Variants in NPC1 observed in about 807,000 individuals in gnomAD.
NPC1 encodes the protein Niemann-Pick C1 protein.
Under a neutral mutation model 140.4 loss-of-function variants are expected in NPC1, and 85 were observed. That is an observed-to-expected ratio of 0.61 (90% CI 0.51 to 0.72). The LOEUF (loss-of-function observed/expected upper bound fraction) is 0.72. Ranked by LOEUF, NPC1 falls within the 30% of genes least tolerant of loss-of-function variation. The probability of loss-of-function intolerance (pLI) is 0.00; values close to 1 mark genes in which losing one functional copy is unlikely to be tolerated. For missense variants in NPC1, 1,504 were observed against 1,623.8 expected, an observed-to-expected ratio of 0.93 and a Z score of 1.27; for synonymous variants, 656 against 624.8, an observed-to-expected ratio of 1.05 and a Z score of -0.74.
downstream of NPC1, among the ~76,000 whole-genome samples, chr18:23,519,630 GA>G (rs1166874887): frequency 6.6e-6 from 1 of 152,140 alleles, no homozygotes; most frequent in Non-Finnish European, 1.5e-5. Context: ...AAGTAGTTTA[GA>G]AAAAAGTGAT....
chr18:23,519,185 T>C, downstream of NPC1: 2 of 1,608,248 alleles, frequency 1.2e-6, no homozygotes. Flanking sequence ...GTACAAGCTG[T>C]CTGCGTTTCT....
intron 18 of NPC1, 27 bp downstream of exon 18, chr18:23,539,784 T>C (rs1053188476): frequency 3.1e-6 from 5 of 1,611,258 alleles, no homozygotes; most frequent in Non-Finnish European, 4.2e-6. Context: ...CCGCTGCTTC[T>C]GAAGTACAAG....
intron 1 of NPC1, among the ~76,000 whole-genome samples, chr18:23,579,029 G>C (rs933388028): frequency 1.4e-4 from 21 of 152,106 alleles, no homozygotes; most frequent in African/African-American, 5.1e-4. Flanking sequence ...CACTGCCTGT[G>C]CGACAAGCTT....
At chr18:23,534,829 C>T (rs1193027505) in intron 22 of NPC1, among the ~76,000 whole-genome samples, 1 of 152,216 alleles carries the variant, frequency 6.6e-6, no homozygotes, top group Non-Finnish European at 1.5e-5. Flanking sequence ...AAGGTCACCC[C>T]ACCCGCACCG....
At chr18:23,534,161 G>T (rs1361099643) in intron 23 of NPC1, 1 of 541,894 alleles carries the variant, frequency 1.8e-6, no homozygotes, top group Admixed American at 3.0e-5. Context: ...TCTGGCCCGG[G>T]CTCCCCTGCA....
chr18:23,556,736 T>C, intron 7 of NPC1, 123 bp from the exon 8 acceptor site: 1 of 1,456,176 alleles, frequency 6.9e-7, no homozygotes, highest in Non-Finnish European at 9.4e-7. Flanking sequence ...GGGACACATA[T>C]GAGACCCCTG....
At chr18:23,529,125 A>G (rs777712159), downstream of NPC1, 15 of 1,585,580 alleles carry the variant, frequency 9.5e-6, no homozygotes, top group Non-Finnish European at 1.3e-5. Flanking sequence ...AACTGTAAAC[A>G]GCACCCTTCC....
At chr18:23,537,349 T>C (rs2058647489) in intron 20 of NPC1, among the ~76,000 whole-genome samples, 1 of 152,220 alleles carries the variant, frequency 6.6e-6, no homozygotes, top group Non-Finnish European at 1.5e-5. Flanking sequence ...AGTACTGGGA[T>C]TACAGGTGTG....
chr18:23,552,748 T>A lies in NPC1; in HGVS notation c.1554-1021A>T, dbSNP rs73392141. On this transcript the variant is annotated intron_variant, in intron 9 of 24. Transcript: ENST00000269228. The stretch of plus-strand genomic sequence containing the variant: ...CATATGACCCACCCGTCAGAGTGGA[T>A]GGGTGACGGCATGAGGGAGGTCAGG... Among the ~76,000 whole-genome samples the A allele has an allele frequency of 0.018, 2,798 of 152,214 alleles. 75 individuals carry two copies. The highest frequency in any genetic ancestry group is 0.065 in the African/African-American group (2,691 of 41,524).
rs748862167 is a variant in NPC1 at position 23,534,544 on chromosome 18, C to T, written c.3493G>A (p.Val1165Met). The T allele has an allele frequency of 7.4e-6, 12 of 1,613,760 alleles. No individual in the cohort carries two copies. The highest frequency in any genetic ancestry group is 3.3e-5 in the South Asian group (3 of 91,040). ...CTGGTTATGTGGCTGCAGAACTCCA[C>T]GGAGATGCCACAGCTCTGAAATAAA... ...VNLVMSCGIS[V>M]EFCSHITRAF... Residue 1165 changes from valine to methionine, a missense_variant, in exon 23 of 25, where the codon GTG becomes ATG. Coordinates refer to ENST00000269228, the MANE Select transcript of NPC1 (RefSeq NM_000271.5).
intron 1 of NPC1, among the ~76,000 whole-genome samples, chr18:23,580,452 T>A (rs902620291): frequency 6.6e-6 from 1 of 152,236 alleles, no homozygotes. Flanking sequence ...GTAGAAATAA[T>A]GCCTCCCATT....
At position 23,561,403 on chromosome 18, in the gene NPC1, C is replaced by T. The variant is rs2145484736; in HGVS notation, c.588G>A (p.Lys196=). 1.2e-6 allele frequency: 2 copies of T among 1,614,206 alleles called. No homozygotes were observed. Among genetic ancestry groups the T allele is most frequent in the Non-Finnish European group, 8.5e-7 (1 of 1,180,032 alleles). ...TGGTAAAAGGTGCCTGTCCATTGTC[C>T]TTATTGAACATGTATTCAATCCAGT... is the stretch of plus-strand genomic sequence containing the variant. ...ATNWIEYMFN[K]DNGQAPFTIT... The change falls in exon 5 of 25, where the codon AAG becomes AAA. Residue 196 remains lysine (K), a synonymous_variant. Coordinates refer to ENST00000269228, the MANE Select transcript of NPC1 (RefSeq NM_000271.5).
chr18:23,520,392 C>T (rs924310875), downstream of NPC1: 23 of 1,169,390 alleles, frequency 2.0e-5, no homozygotes, highest in Middle Eastern at 2.0e-4. Flanking sequence ...TTGGGAGTCA[C>T]GTTAAAAGTG....
chr18:23,538,791 T>C (rs764374795), intron 19 of NPC1, 120 bp from the exon 20 acceptor site: 3 of 1,038,258 alleles, frequency 2.9e-6, no homozygotes, highest in Admixed American at 1.8e-5. Context: ...CTTTCCTTAC[T>C]AGTGAGGGAT....
chr18:23,532,695 C>CTTTT lies in NPC1; in HGVS notation c.3755-415_3755-412dup, dbSNP rs61493442. ...TCTCAGCCTTCCAAAGTGCTCATCT[C>CTTTT]TTTTTTTTTTTTTTTTTCTTAAAAG... On this transcript the variant is annotated intron_variant, in intron 24 of 24. Coordinates refer to ENST00000269228, the MANE Select transcript of NPC1 (RefSeq NM_000271.5). 3.5e-3 allele frequency among the ~76,000 whole-genome samples: 483 copies of CTTTT among 136,776 alleles called. 7 individuals carry two copies. In the East Asian group the frequency reaches 0.037, roughly 11 times the overall value. 89.7% of individuals were successfully genotyped at this position (136,776 alleles called of 152,430 possible).
intron 2 of NPC1, among the ~76,000 whole-genome samples, chr18:23,572,746 T>C (rs181717913): frequency 2.5e-4 from 38 of 152,220 alleles, no homozygotes; most frequent in Non-Finnish European, 3.4e-4. Flanking sequence ...AGTTGAGAGA[T>C]TGCTTGAGCT....
At chr18:23,585,638 CA>C (rs1411965052) in intron 1 of NPC1, among the ~76,000 whole-genome samples, 1 of 152,178 alleles carries the variant, frequency 6.6e-6, no homozygotes. Flanking sequence ...TTAAACCAAG[CA>C]AAAGCCCCCA....
intron 11 of NPC1, 87 bp from the exon 12 acceptor site, chr18:23,545,236 G>C: frequency 9.9e-7 from 1 of 1,007,608 alleles, no homozygotes; most frequent in Non-Finnish European, 1.5e-6. Flanking sequence ...CGATACAAAG[G>C]CCACGTTTTC....
downstream of NPC1, chr18:23,530,341 G>A (rs780658292): frequency 6.2e-7 from 1 of 1,613,992 alleles, no homozygotes; most frequent in Non-Finnish European, 8.5e-7. Flanking sequence ...AACTAACTCT[G>A]TTCCTGTTGT....
Sources: allele counts gnomAD v4.1 joint callset (sites outside exome capture counted in the v4.1 genomes callset), GRCh38; gene constraint gnomAD v4.1.1; transcripts MANE v1.5; gene names NCBI Gene and HGNC (gene_info 2026-07-23, HGNC 2026-07-21).